AHRR: variants seen among roughly 807,000 people sequenced by gnomAD.
The protein encoded by AHRR is aryl hydrocarbon receptor repressor.
In AHRR, 28 loss-of-function variants were observed where a neutral mutation model predicts 44.0. That is an observed-to-expected ratio of 0.64 (90% CI 0.47 to 0.87). AHRR has a LOEUF of 0.87. AHRR is among the 40% of genes least tolerant of loss of function. The pLI is 0.00. For synonymous variants in AHRR, 434 were observed against 407.0 expected, an observed-to-expected ratio of 1.07 and a Z score of -0.80; for missense variants, 990 against 953.9, an observed-to-expected ratio of 1.04 and a Z score of -0.50.
At chr5:421,329 AG>A (rs753737304) in intron 5 of AHRR, 75 of 694,684 alleles carry the variant, frequency 1.1e-4, no homozygotes, top group East Asian at 8.3e-5. Flanking sequence ...GATGCGGGGC[AG>A]GGGGATGCCG....
intron 3 of AHRR, among the ~76,000 whole-genome samples, chr5:373,018 T>C (rs1038347226): frequency 2.0e-5 from 3 of 152,226 alleles, no homozygotes; most frequent in African/African-American, 7.2e-5. Flanking sequence ...GCCTTGGTGC[T>C]GACTTCACAT....
At position 434,486 on chromosome 5, in the gene AHRR, G is replaced by A. The variant is rs1455625263; in HGVS notation, c.1746G>A (p.Val582=). Residue 582 remains valine, a synonymous_variant, in exon 11 of 11, where the codon GTG becomes GTA. Coordinates refer to ENST00000684583, the MANE Select transcript of AHRR (RefSeq NM_001377236.1). ...CAGAGCCAGACTCTCGGCAACAGGTGTACATCTCGCACCTGGGGCACGGCG... is the reference window on the plus strand; with the variant it reads ...CAGAGCCAGACTCTCGGCAACAGGTATACATCTCGCACCTGGGGCACGGCG... ...LKTEPDSRQQ[V]YISHLGHGVR... 1.2e-6 allele frequency: 2 copies of A among 1,613,304 alleles called. No individual in the cohort carries two copies. Among genetic ancestry groups the A allele is most frequent in the Admixed American group, 1.7e-5 (1 of 60,014 alleles).
intron 3 of AHRR, among the ~76,000 whole-genome samples, chr5:373,764 C>T (rs1160214457): frequency 1.3e-5 from 2 of 151,496 alleles, no homozygotes; most frequent in East Asian, 3.9e-4. Flanking sequence ...GCACCCGGAG[C>T]GCCCGCGCGG....
At position 427,760 on chromosome 5, in the gene AHRR, C is replaced by T. The variant is rs766111369; in HGVS notation, c.709-47C>T. On this transcript the variant is annotated intron_variant, in intron 7 of 10. Transcript: ENST00000684583. ...GTTCTGTGTCCTGTGACCACCTTGC[C>T]AGGCCACTTGGTGAACACGCCTTCC... The T allele has an allele frequency of 8.1e-6, 13 of 1,611,870 alleles. No individual in the cohort carries two copies. In the African/African-American group the frequency reaches 1.6e-4, roughly 20 times the overall value.
In AHRR at chr5:427,959, C is replaced by A. The variant is rs1736540799; in HGVS notation, c.861C>A (p.Leu287=). The change falls in exon 8 of 11, where the codon CTC becomes CTA. Residue 287 remains leucine, a synonymous_variant. Transcript: ENST00000684583. The part of the protein sequence containing the change: ...SAAEMKMRSA[L]LRAKPRADTA... ...CGGAGATGAAAATGAGGAGCGCGCT[C>A]CTGAGGGCAAAACCCAGAGCAGACA... 11 of 1,613,904 alleles carry A rather than the reference C, an allele frequency of 6.8e-6. No homozygotes were observed. The highest frequency in any genetic ancestry group is 1.7e-5 in the Admixed American group (1 of 60,006).
chr5:406,281 C>T lies in AHRR; in HGVS notation c.352-7063C>T, dbSNP rs944689763. On this transcript the variant is annotated intron_variant, in intron 4 of 10. Transcript: ENST00000684583. The surrounding 1 kb of genome is among the most constrained non-coding windows in gnomAD (Gnocchi z 4.7). Reference sequence around the variant, plus strand: ...AGCCGCCTCTTGTCTGCATTTCTTGCAGGAACATGGAGGGACCGGAACATG... The same window carrying T: ...AGCCGCCTCTTGTCTGCATTTCTTGTAGGAACATGGAGGGACCGGAACATG... Among the ~76,000 whole-genome samples, 4 of 152,144 alleles carry T rather than the reference C, an allele frequency of 2.6e-5. No individual in the cohort carries two copies. The South Asian group carries it at 8.3e-4, about 31-fold the overall frequency.
At chr5:340,675 TA>T (rs1560881472) in intron 1 of AHRR, among the ~76,000 whole-genome samples, 29 of 27,380 alleles carry the variant, frequency 1.1e-3, no homozygotes, top group Non-Finnish European at 1.6e-3. Context: ...TATATATATA[TA>T]TATATATATA....
rs547424454 is a variant in AHRR, at chr5:359,847, C to T, written c.244+5936C>T. Among the ~76,000 whole-genome samples the T allele has an allele frequency of 9.2e-5, 14 of 152,330 alleles. No homozygotes were observed. In the South Asian group the frequency reaches 2.7e-3, roughly 29 times the overall value. On this transcript the variant is annotated intron_variant, in intron 3 of 10. Coordinates refer to ENST00000684583, the MANE Select transcript of AHRR (RefSeq NM_001377236.1). ...CCACGAGGTGTCCTGGGTTCTTGAA[C>T]TCTGGAATCCCACACTTGCTAGCAG... is the stretch of plus-strand genomic sequence containing the variant.
intron 2 of AHRR, among the ~76,000 whole-genome samples, chr5:344,477 T>C (rs1277276348): frequency 2.2e-4 from 2 of 8,956 alleles, no homozygotes; most frequent in East Asian, 1.2e-3. Context: ...AGGCTGTGTG[T>C]GCGCGGGGGG....
At chr5:344,451 G>GTGT (rs376401820) in intron 2 of AHRR, among the ~76,000 whole-genome samples, 14 of 23,790 alleles carry the variant, frequency 5.9e-4, no homozygotes, top group African/African-American at 2.6e-3. Flanking sequence ...GGCTGTGTGT[G>GTGT]GGGTGTGTGT....
At chr5:376,552 A>ACGCGGGGAAACACAGGAAAGATGTGAAT in intron 3 of AHRR, 58 bp from the exon 4 acceptor site, 2 of 1,409,246 alleles carry the variant, frequency 1.4e-6, no homozygotes, top group East Asian at 2.4e-5. Context: ...ATGTGAATGA[A>ACGCGGGGAAACACAGGAAAGATGTGAAT]GAAGAGTGGC....
intron 4 of AHRR, among the ~76,000 whole-genome samples, chr5:386,190 G>T (rs977467243): frequency 6.6e-6 from 1 of 151,906 alleles, no homozygotes; most frequent in Non-Finnish European, 1.5e-5. Flanking sequence ...TATATCATCT[G>T]TGTCATTTCG....
chr5:415,580 T>TAGGGGCCGAATCTCCCTGGTCGGGC (rs1735736597), intron 5 of AHRR, among the ~76,000 whole-genome samples: 3 of 94,938 alleles, frequency 3.2e-5, no homozygotes, highest in African/African-American at 1.2e-4. Flanking sequence ...CCTGGTCTGC[T>TAGGGGCCGAATCTCCCTGGTCGGGC]GGGAGGCCTA....
intron 4 of AHRR, among the ~76,000 whole-genome samples, chr5:397,849 T>A (rs866657261): frequency 0.013 from 843 of 67,232 alleles, 6 homozygotes; most frequent in Admixed American, 0.018. Context: ...CCCCTGACCA[T>A]GTTAGCCCCT....
rs189821685 is a variant in AHRR, at chr5:416,925, G to A, written c.441+3492G>A. On this transcript the variant is annotated intron_variant, in intron 5 of 10. Transcript: ENST00000684583. The stretch of plus-strand genomic sequence containing the variant: ...TGCAGGTCCCGAGTCTAGAGAAGGC[G>A]GCTTGGTCTTTATGTGCAGGGCCCG... 6.3e-4 allele frequency among the ~76,000 whole-genome samples: 95 copies of A among 150,316 alleles called. 1 individual carries two copies. The South Asian group carries it at 0.011, about 17-fold the overall frequency.
intron 1 of AHRR, among the ~76,000 whole-genome samples, chr5:325,979 C>T (rs1248724345): frequency 2.0e-5 from 3 of 152,010 alleles, no homozygotes; most frequent in African/African-American, 7.2e-5. Context: ...GACGGGGTTT[C>T]GCCATGTTGG....
chr5:421,125 C>A (rs1370954995), intron 5 of AHRR: 8 of 557,984 alleles, frequency 1.4e-5, no homozygotes, highest in East Asian at 1.0e-4. Context: ...GGAGCGTTCG[C>A]GCCTTAACTG....
rs1176995834 is a variant in AHRR at position 438,067 on chromosome 5, A to G, written c.*3233A>G. The stretch of plus-strand genomic sequence containing the variant: ...GAATGGGATGGAAGGGAGGAGATCA[A>G]TACAACTTATATTTTTGCAGTTTCT... On this transcript the variant is annotated 3_prime_UTR_variant, in exon 11 of 11. Transcript: ENST00000684583. The G allele has an allele frequency of 6.6e-6, 1 of 152,368 alleles. No homozygotes were observed. The highest frequency in any genetic ancestry group is 2.4e-5 in the African/African-American group (1 of 41,452). 9.4% of individuals were successfully genotyped at this position (152,368 alleles called of 1,614,324 possible).
In AHRR at chr5:427,914, C is replaced by A. The variant is rs761611426; in HGVS notation, c.816C>A (p.Pro272=). 6.2e-7 allele frequency: 1 copy of A among 1,614,120 alleles called. No individual in the cohort carries two copies. The highest frequency in any genetic ancestry group is 8.5e-7 in the Non-Finnish European group (1 of 1,180,036). The change falls in exon 8 of 11, where the codon CCC becomes CCA. Residue 272 remains proline, a synonymous_variant. Coordinates refer to ENST00000684583, the MANE Select transcript of AHRR (RefSeq NM_001377236.1). ...TGTCGCTGTTCTGCATTGCGGCACC[C>A]GTTCTCCTCCCCTCCGCAGCGGAGA... is the stretch of plus-strand genomic sequence containing the variant. ...PRLSLFCIAA[P]VLLPSAAEMK...
Sources: allele counts gnomAD v4.1 joint callset (sites outside exome capture counted in the v4.1 genomes callset), GRCh38; gene constraint gnomAD v4.1.1; non-coding constraint Gnocchi (gnomAD v3.1); transcripts MANE v1.5; gene names NCBI Gene and HGNC (gene_info 2026-07-23, HGNC 2026-07-21).